The following ADGRL4 variants were observed in gnomAD, a reference collection of about 807,000 sequenced individuals.
The protein encoded by ADGRL4 is EGF, latrophilin and seven transmembrane domain containing 1.
ADGRL4 carries 90 observed loss-of-function variants against 74.8 expected under a neutral mutation model. The ratio of observed to expected loss-of-function variants is 1.20; its 90% CI spans 1.02 to 1.43. The LOEUF is 1.43. ADGRL4 is among the 40% of genes most tolerant of loss of function. ADGRL4 has a pLI of 0.00. For missense variants in ADGRL4, 881 were observed against 814.3 expected (o/e 1.08, Z -1.00); for synonymous variants, 311 against 279.2 (o/e 1.11, Z -1.14).
At chr1:78,939,146 C>A in intron 4 of ADGRL4, 42 bp downstream of exon 4, 1 of 1,503,230 alleles carries the variant, frequency 6.7e-7, no homozygotes, top group South Asian at 1.3e-5. Context: ...TAATTGAAAC[C>A]AAAATGTCAA....
intron 2 of ADGRL4, among the ~76,000 whole-genome samples, chr1:78,967,281 T>A (rs1432672522): frequency 2.0e-5 from 3 of 152,202 alleles, no homozygotes; most frequent in Non-Finnish European, 4.4e-5. Context: ...TTTTGAGAAC[T>A]ATCTGACTTG....
intron 3 of ADGRL4, among the ~76,000 whole-genome samples, chr1:78,945,019 G>A (rs961747359): frequency 4.6e-5 from 7 of 151,930 alleles, no homozygotes; most frequent in Admixed American, 4.6e-4. Flanking sequence ...CAAAAAATTA[G>A]CTGGGTGTGG....
At chr1:78,915,162 T>C (rs981567057) in intron 12 of ADGRL4, among the ~76,000 whole-genome samples, 5 of 151,908 alleles carry the variant, frequency 3.3e-5, no homozygotes, top group African/African-American at 9.7e-5. Context: ...CCTATCATTT[T>C]ATTACTAGGG....
rs928115877 is a variant in ADGRL4 at position 78,890,336 on chromosome 1, T to C, written c.*818A>G. 1 of 152,194 alleles carries C rather than the reference T, an allele frequency of 6.6e-6. No homozygotes were observed. Among genetic ancestry groups the C allele is most frequent in the Non-Finnish European group, 1.5e-5 (1 of 68,056 alleles). 9.4% of individuals were successfully genotyped at this position (152,194 alleles called of 1,614,324 possible). On this transcript the variant is annotated 3_prime_UTR_variant, in exon 15 of 15. Coordinates refer to ENST00000370742, the MANE Select transcript of ADGRL4 (RefSeq NM_022159.4). ...CTTTATTACACTGTTTTTACATTGATAGGTATAAACAATATTATATCTTGA... is the reference window on the plus strand; with the variant it reads ...CTTTATTACACTGTTTTTACATTGACAGGTATAAACAATATTATATCTTGA...
chr1:78,949,300 T>C (rs1649675709), intron 2 of ADGRL4, among the ~76,000 whole-genome samples: 1 of 152,148 alleles, frequency 6.6e-6, no homozygotes, highest in Admixed American at 6.6e-5. Context: ...TCTTGGGTAA[T>C]ACATTAATAG....
chr1:78,970,348 C>T (rs1487191264), intron 2 of ADGRL4, among the ~76,000 whole-genome samples: 2 of 152,194 alleles, frequency 1.3e-5, no homozygotes, highest in Non-Finnish European at 2.9e-5. Flanking sequence ...TAAGCCAAGT[C>T]TCCCATTTCA....
At chr1:78,934,735 G>A (rs1649318018) in intron 7 of ADGRL4, among the ~76,000 whole-genome samples, 1 of 152,076 alleles carries the variant, frequency 6.6e-6, no homozygotes, top group African/African-American at 2.4e-5. Context: ...CCATCAAAAA[G>A]TGGGCAAAGG....
At chr1:78,950,166 G>A (rs572933540) in intron 2 of ADGRL4, among the ~76,000 whole-genome samples, 6 of 152,112 alleles carry the variant, frequency 3.9e-5, no homozygotes, top group Non-Finnish European at 7.4e-5. Context: ...TATTAGGAAA[G>A]GAAGTGATGT....
At chr1:78,971,529 G>A (rs1374707519) in intron 2 of ADGRL4, among the ~76,000 whole-genome samples, 4 of 152,092 alleles carry the variant, frequency 2.6e-5, no homozygotes, top group Admixed American at 2.6e-4. Context: ...CAATCGGCAA[G>A]GCAGGAAGCA....
intron 12 of ADGRL4, among the ~76,000 whole-genome samples, chr1:78,912,704 A>G (rs753089147): frequency 4.0e-5 from 6 of 151,858 alleles, no homozygotes; most frequent in Non-Finnish European, 8.8e-5. Flanking sequence ...TTGTGGCAAT[A>G]TGATACCAAA....
chr1:78,955,546 T>C (rs1042020745), intron 2 of ADGRL4, among the ~76,000 whole-genome samples: 9 of 152,066 alleles, frequency 5.9e-5, no homozygotes, highest in Non-Finnish European at 4.4e-5. Flanking sequence ...TACTTTTGTA[T>C]TGCCTTTGTT....
At chr1:78,901,016 C>T (rs1239733612) in intron 12 of ADGRL4, among the ~76,000 whole-genome samples, 1 of 151,450 alleles carries the variant, frequency 6.6e-6, no homozygotes, top group African/African-American at 2.4e-5. Flanking sequence ...ATTTATAGAA[C>T]CTACCATATT....
At chr1:78,906,771 T>A (rs1648650680) in intron 12 of ADGRL4, among the ~76,000 whole-genome samples, 1 of 151,970 alleles carries the variant, frequency 6.6e-6, no homozygotes, top group Non-Finnish European at 1.5e-5. Context: ...TAAATTTATA[T>A]AAGTTGCTCG....
At chr1:78,952,394 C>G (rs1269670888) in intron 2 of ADGRL4, among the ~76,000 whole-genome samples, 2 of 143,282 alleles carry the variant, frequency 1.4e-5, no homozygotes, top group African/African-American at 5.1e-5. Flanking sequence ...TTCAACAGCA[C>G]TGGGAATTCT....
chr1:78,932,162 C>A (rs115099822), intron 7 of ADGRL4, among the ~76,000 whole-genome samples: 125 of 151,488 alleles, frequency 8.3e-4, no homozygotes, highest in Non-Finnish European at 1.6e-3. Context: ...ATTCTAAAAT[C>A]GACTACATAA....
intron 12 of ADGRL4, among the ~76,000 whole-genome samples, chr1:78,900,852 T>C (rs1281147187): frequency 1.3e-5 from 2 of 152,116 alleles, no homozygotes; most frequent in Non-Finnish European, 2.9e-5. Flanking sequence ...ATGGACTAAA[T>C]ACAATGTGTA....
chr1:78,935,612 A>C (rs1304534532), intron 7 of ADGRL4, among the ~76,000 whole-genome samples: 2 of 152,332 alleles, frequency 1.3e-5, no homozygotes, highest in African/African-American at 4.8e-5. Flanking sequence ...ATGATGAAGA[A>C]TATGATGGAT....
At chr1:78,929,450 A>C (rs1413075148) in intron 7 of ADGRL4, among the ~76,000 whole-genome samples, 1 of 151,430 alleles carries the variant, frequency 6.6e-6, no homozygotes, top group Non-Finnish European at 1.5e-5. Flanking sequence ...TGGGAGGTCA[A>C]GACTGCAGTG....
At chr1:78,966,392 C>A (rs1368482265) in intron 2 of ADGRL4, among the ~76,000 whole-genome samples, 2 of 152,272 alleles carry the variant, frequency 1.3e-5, no homozygotes, top group African/African-American at 4.8e-5. Context: ...ATCATGTGAC[C>A]AGGACCTGGC....
Sources: gnomAD v4.1 joint callset for allele counts (sites outside exome capture counted in the v4.1 genomes callset) on GRCh38, gnomAD v4.1.1 for gene constraint, MANE v1.5 for transcripts, NCBI Gene and HGNC (gene_info 2026-07-23, HGNC 2026-07-21) for gene names.